The following TMEM132E variants were observed in gnomAD, a reference collection of about 807,000 sequenced individuals.
TMEM132E encodes the protein transmembrane protein 132E.
Under a neutral mutation model 78.5 loss-of-function variants are expected in TMEM132E, and 49 were observed. That is an observed-to-expected ratio of 0.62 (90% confidence interval 0.50 to 0.79). The LOEUF (loss-of-function observed/expected upper bound fraction) is 0.79. Ranked by LOEUF, TMEM132E falls within the 30% of genes least tolerant of loss-of-function variation. The pLI is 0.00. For missense variants in TMEM132E, 1,403 were observed against 1,470.9 expected (o/e 0.95, Z 0.75); for synonymous variants, 715 against 670.6 (o/e 1.07, Z -1.02).
intron 1 of TMEM132E, among the ~76,000 whole-genome samples, chr17:34,587,948 C>T (rs1205884020): frequency 6.6e-6 from 1 of 152,178 alleles, no homozygotes; most frequent in African/African-American, 2.4e-5. Flanking sequence ...GTCTTCTTGC[C>T]ATACCTCTCT....
chr17:34,586,327 A>C (rs973638554), intron 1 of TMEM132E, among the ~76,000 whole-genome samples: 1 of 151,926 alleles, frequency 6.6e-6, no homozygotes, highest in Non-Finnish European at 1.5e-5. Flanking sequence ...ATTTCTTTAA[A>C]ATTTTTCCTT....
At chr17:34,635,576 T>C (rs1455247105) in intron 7 of TMEM132E, among the ~76,000 whole-genome samples, 1 of 152,228 alleles carries the variant, frequency 6.6e-6, no homozygotes, top group Non-Finnish European at 1.5e-5. Context: ...AAAAAATATA[T>C]AGAGATTTCT....
At chr17:34,630,458 G>T (rs1461486654) in intron 5 of TMEM132E, among the ~76,000 whole-genome samples, 1 of 152,168 alleles carries the variant, frequency 6.6e-6, no homozygotes, top group African/African-American at 2.4e-5. Context: ...AGGGCTTCCT[G>T]TAGGAATATG....
At chr17:34,581,368 C>T (rs1905476199) in intron 1 of TMEM132E, among the ~76,000 whole-genome samples, 1 of 151,878 alleles carries the variant, frequency 6.6e-6, no homozygotes, top group Non-Finnish European at 1.5e-5. Context: ...GGGAGGGTGT[C>T]GCTCCAGTCC....
intron 1 of TMEM132E, among the ~76,000 whole-genome samples, chr17:34,589,837 C>T (rs939046024): frequency 1.3e-5 from 2 of 152,208 alleles, no homozygotes; most frequent in African/African-American, 2.4e-5. Flanking sequence ...CCTGCCCTGT[C>T]TCTACTGGAG....
chr17:34,628,890 G>A, intron 3 of TMEM132E, 122 bp from the exon 4 acceptor site: 1 of 1,389,514 alleles, frequency 7.2e-7, no homozygotes, highest in Non-Finnish European at 9.7e-7. Context: ...GCTGGAGAAG[G>A]CCCAGAGGGC....
At chr17:34,589,937 A>C (rs1905808627) in intron 1 of TMEM132E, among the ~76,000 whole-genome samples, 1 of 152,238 alleles carries the variant, frequency 6.6e-6, no homozygotes, top group Non-Finnish European at 1.5e-5. Flanking sequence ...CTGCCAACAC[A>C]GCAGAGAAAT....
intron 4 of TMEM132E, among the ~76,000 whole-genome samples, 168 bp from the exon 5 acceptor site, chr17:34,629,840 T>G (rs1258241247): frequency 6.6e-6 from 1 of 151,624 alleles, no homozygotes; most frequent in Non-Finnish European, 1.5e-5. Flanking sequence ...TGTCAAGGAG[T>G]GCCAGGAGGG....
chr17:34,628,929 G>C (rs1695372937), intron 3 of TMEM132E, 83 bp from the exon 4 acceptor site: 1 of 1,475,450 alleles, frequency 6.8e-7, no homozygotes, highest in Non-Finnish European at 9.1e-7. Context: ...GGGAGGGGTG[G>C]GGTCCCCACT....
intron 2 of TMEM132E, among the ~76,000 whole-genome samples, chr17:34,628,051 G>A (rs1907214755): frequency 6.6e-6 from 1 of 152,192 alleles, no homozygotes; most frequent in South Asian, 2.1e-4. Flanking sequence ...TGGCTGTGAG[G>A]TGATTCAGAA....
intron 8 of TMEM132E, 31 bp downstream of exon 8, chr17:34,636,229 A>G: frequency 7.0e-7 from 1 of 1,423,570 alleles, no homozygotes; most frequent in Non-Finnish European, 9.2e-7. Context: ...CCAGCCAGGG[A>G]GTTGGTGGTA....
intron 1 of TMEM132E, among the ~76,000 whole-genome samples, chr17:34,607,932 A>G (rs1052138231): frequency 2.6e-5 from 4 of 152,172 alleles, no homozygotes; most frequent in African/African-American, 9.7e-5. Flanking sequence ...GGAGACCTCC[A>G]AACCCCGTAG....
chr17:34,620,387 T>C (rs1160435610), intron 1 of TMEM132E, among the ~76,000 whole-genome samples: 1 of 152,186 alleles, frequency 6.6e-6, no homozygotes, highest in Admixed American at 6.5e-5. Context: ...GTCCTGGTGG[T>C]TAGGGAGGGC....
intron 1 of TMEM132E, among the ~76,000 whole-genome samples, chr17:34,582,480 G>T (rs1905526978): frequency 6.7e-6 from 1 of 149,254 alleles, no homozygotes; most frequent in Non-Finnish European, 1.5e-5. Context: ...CTCCCTCTAT[G>T]GGTGGCTTGG....
At chr17:34,613,172 T>TACACACACA (rs1416893742) in intron 1 of TMEM132E, among the ~76,000 whole-genome samples, 143 of 112,514 alleles carry the variant, frequency 1.3e-3, no homozygotes, top group Admixed American at 4.3e-3. Flanking sequence ...TCTCTCTCTC[T>TACACACACA]CTACACACAC....
In TMEM132E at chr17:34,637,451, G is replaced by T; in HGVS notation, c.2444G>T (p.Arg815Met). ...TPVGLRVHFG[R>M]DEEDPTYDYP... ...GTGGGCCTGCGGGTGCACTTTGGGA[G>T]GGACGAGGAGGACCCCACTTATGAC... Residue 815 changes from arginine to methionine, a missense_variant, in exon 9 of 9, where the codon AGG becomes ATG. Physicochemically the swap from Arg to Met is moderately conservative, Grantham distance 91. Around this residue, in one of 3 missense-constraint regions of TMEM132E, gnomAD observed 888 missense variants for 952.8 expected, o/e 0.93. Coordinates refer to ENST00000631683, the MANE Select transcript of TMEM132E (RefSeq NM_001304438.2). 1.2e-6 allele frequency: 2 copies of T among 1,613,262 alleles called. No homozygotes were observed. The highest frequency in any genetic ancestry group is 8.5e-7 in the Non-Finnish European group (1 of 1,179,966).
chr17:34,638,588 T>G lies in TMEM132E; in HGVS notation c.*356T>G. On this transcript the variant is annotated 3_prime_UTR_variant, in exon 9 of 9. Coordinates refer to ENST00000631683, the MANE Select transcript of TMEM132E (RefSeq NM_001304438.2). ...AGCTTGGGGTCAGGTGGGCCCACGC[T>G]GTGTCCCGGGCCCGCCTCCCGTCCC... 1 of 226,490 alleles carries G rather than the reference T, an allele frequency of 4.4e-6. No homozygotes were observed. The allele number at this position is 226,490 out of a possible 1,614,324, so 14.0% of individuals were successfully genotyped here.
At chr17:34,629,452 T>C (rs890596440) in intron 4 of TMEM132E, among the ~76,000 whole-genome samples, 1 of 151,668 alleles carries the variant, frequency 6.6e-6, no homozygotes, top group Non-Finnish European at 1.5e-5. Context: ...GGACCACTGA[T>C]GGGAAGTTTG....
intron 1 of TMEM132E, among the ~76,000 whole-genome samples, chr17:34,606,116 G>A (rs1906405676): frequency 1.3e-5 from 2 of 152,118 alleles, no homozygotes; most frequent in South Asian, 2.1e-4. Flanking sequence ...AGGCCAAGGC[G>A]GGTGGATCAC....
Sources: gnomAD v4.1 joint callset for allele counts (sites outside exome capture counted in the v4.1 genomes callset) on GRCh38, gnomAD v4.1.1 for gene constraint, gnomAD v4.1.1 regional missense constraint, MANE v1.5 for transcripts, NCBI Gene and HGNC (gene_info 2026-07-23, HGNC 2026-07-21) for gene names.